Variants in TTLL5 observed in about 807,000 individuals in gnomAD.
TTLL5 encodes the protein tubulin polyglutamylase TTLL5.
In TTLL5, 132 loss-of-function variants were observed where a neutral mutation model predicts 168.4. That is an observed-to-expected ratio of 0.78 (90% confidence interval 0.68 to 0.91). TTLL5 has a LOEUF of 0.91. TTLL5 is among the 40% of genes least tolerant of loss of function. The probability of loss-of-function intolerance (pLI) is 0.00; values close to 1 mark genes in which losing one functional copy is unlikely to be tolerated. For missense variants in TTLL5, 1,545 were observed against 1,581.5 expected (o/e 0.98, Z 0.39); for synonymous variants, 546 against 558.6 (o/e 0.98, Z 0.32).
chr14:75,666,186 A>G (rs1433347907), intron 2 of TTLL5, among the ~76,000 whole-genome samples: 4 of 152,366 alleles, frequency 2.6e-5, no homozygotes, highest in East Asian at 3.9e-4. Context: ...AAGTTGATTT[A>G]GAAGTTTGAA....
At chr14:75,926,209 T>G (rs2034064762) in intron 31 of TTLL5, among the ~76,000 whole-genome samples, 1 of 139,830 alleles carries the variant, frequency 7.2e-6, no homozygotes, top group South Asian at 2.5e-4. Flanking sequence ...TGGTAGATCT[T>G]CGTCCATCCC....
Position 75,912,027 on chromosome 14 carries a change from T to C in TTLL5, c.3823+9803T>C, listed in dbSNP as rs534977505. On this transcript the variant is annotated intron_variant, in intron 31 of 31. Transcript: ENST00000298832. ...AAAACCTGCAGCGTTGCTGAGAGAATCAGCAGCTTTACTGGCTGAACAGCA... is the reference window on the plus strand; with the variant it reads ...AAAACCTGCAGCGTTGCTGAGAGAACCAGCAGCTTTACTGGCTGAACAGCA... Among the ~76,000 whole-genome samples the C allele has an allele frequency of 2.0e-5, 3 of 151,358 alleles. No individual in the cohort carries two copies. In the East Asian group the frequency reaches 5.9e-4, roughly 30 times the overall value.
intron 14 of TTLL5, among the ~76,000 whole-genome samples, chr14:75,734,917 T>G (rs985661746): frequency 6.6e-6 from 1 of 152,228 alleles, no homozygotes; most frequent in African/African-American, 2.4e-5. Flanking sequence ...TCTTAAGTTC[T>G]TCAAAAATCT....
At chr14:75,926,182 T>TTG (rs1161103399) in intron 31 of TTLL5, among the ~76,000 whole-genome samples, 2 of 134,528 alleles carry the variant, frequency 1.5e-5, no homozygotes, top group East Asian at 4.2e-4. Context: ...TTTTTTTTTT[T>TTG]TTGCTTTCCA....
At chr14:75,899,244 A>G (rs917259601) in intron 30 of TTLL5, among the ~76,000 whole-genome samples, 6 of 152,220 alleles carry the variant, frequency 3.9e-5, no homozygotes, top group African/African-American at 1.4e-4. Context: ...AAGACAACCA[A>G]GGGAACACAT....
At chr14:75,844,924 A>G (rs950978117) in intron 28 of TTLL5, among the ~76,000 whole-genome samples, 18 of 152,226 alleles carry the variant, frequency 1.2e-4, no homozygotes, top group African/African-American at 4.3e-4. Flanking sequence ...GCATCTTACC[A>G]GCTTTCATTA....
At chr14:75,779,474 T>C (rs1177016958) in intron 23 of TTLL5, 101 bp from the exon 24 acceptor site, 1 of 1,523,906 alleles carries the variant, frequency 6.6e-7, no homozygotes, top group Non-Finnish European at 8.9e-7. Context: ...GTGCTTTTCA[T>C]TTTTCCCTTT....
chr14:75,882,958 A>C lies in TTLL5; in HGVS notation c.3740+56A>C, dbSNP rs2031896013. 4.5e-6 allele frequency: 7 copies of C among 1,555,800 alleles called. No individual in the cohort carries two copies. In the South Asian group the frequency reaches 8.0e-5, roughly 18 times the overall value. On this transcript the variant is annotated intron_variant, in intron 30 of 31. Coordinates refer to ENST00000298832, the MANE Select transcript of TTLL5 (RefSeq NM_015072.5). ...GTTTTATCAGTTCTAAGCTAATAGT[A>C]CTCTTTATTTATTACTCTTCAAGAC...
intron 30 of TTLL5, among the ~76,000 whole-genome samples, chr14:75,888,211 A>G (rs546258607): frequency 1.3e-5 from 2 of 152,302 alleles, no homozygotes; most frequent in East Asian, 1.9e-4. Context: ...GACGTCAGTC[A>G]GAGGGATGGG....
chr14:75,714,049 T>C (rs897407595), intron 9 of TTLL5, among the ~76,000 whole-genome samples: 1 of 152,146 alleles, frequency 6.6e-6, no homozygotes, highest in Non-Finnish European at 1.5e-5. Context: ...CTGAAACAGT[T>C]CCTTAGTCTT....
intron 29 of TTLL5, among the ~76,000 whole-genome samples, chr14:75,876,830 T>G (rs1595191888): frequency 6.6e-6 from 1 of 152,236 alleles, no homozygotes. Flanking sequence ...CACTCTCACC[T>G]TGGCTGCAAG....
intron 28 of TTLL5, among the ~76,000 whole-genome samples, chr14:75,834,798 G>C (rs1895785114): frequency 6.6e-6 from 1 of 152,150 alleles, no homozygotes; most frequent in East Asian, 1.9e-4. Flanking sequence ...GGGCACAGTG[G>C]CTCACACCTG....
At chr14:75,818,492 CTTT>C (rs745540720) in intron 27 of TTLL5, 152 of 341,582 alleles carry the variant, frequency 4.4e-4, no homozygotes, top group East Asian at 7.0e-4. Flanking sequence ...CTTTTCTTTT[CTTT>C]TTTTTTTTTT....
At position 75,906,444 on chromosome 14, in the gene TTLL5, G is replaced by A. The variant is rs955085408; in HGVS notation, c.3823+4220G>A. 1.0e-4 allele frequency: 85 copies of A among 823,436 alleles called. No individual in the cohort carries two copies. In the African/African-American group the frequency reaches 1.2e-3, roughly 12 times the overall value. The allele number at this position is 823,436 out of a possible 1,614,324, so 51.0% of individuals were successfully genotyped here. Reference sequence around the variant, plus strand: ...GGAATTTGACAGGAAGTGGGGTGGCGTTATCTGGGGGAACGGTGATCCCCT... The same window carrying A: ...GGAATTTGACAGGAAGTGGGGTGGCATTATCTGGGGGAACGGTGATCCCCT... On this transcript the variant is annotated intron_variant, in intron 31 of 31. Transcript: ENST00000298832.
chr14:75,763,531 T>G (rs1031407324), intron 18 of TTLL5, among the ~76,000 whole-genome samples: 3 of 152,114 alleles, frequency 2.0e-5, no homozygotes, highest in Non-Finnish European at 4.4e-5. Context: ...CCAGAGGAGT[T>G]AGGATGATTT....
chr14:75,778,796 T>C (rs547628934), intron 23 of TTLL5, among the ~76,000 whole-genome samples: 70 of 152,268 alleles, frequency 4.6e-4, no homozygotes, highest in Non-Finnish European at 9.3e-4. Context: ...CTCTCATCTG[T>C]TTCCTTATAC....
At chr14:75,860,684 G>A (rs934448486) in intron 28 of TTLL5, among the ~76,000 whole-genome samples, 2 of 151,932 alleles carry the variant, frequency 1.3e-5, no homozygotes, top group Non-Finnish European at 2.9e-5. Context: ...GTATTCATTT[G>A]TTCACTGGAT....
At chr14:75,820,191 G>A (rs1894744803) in intron 28 of TTLL5, 30 bp downstream of exon 28, 2 of 1,541,586 alleles carry the variant, frequency 1.3e-6, no homozygotes, top group African/African-American at 2.8e-5. Flanking sequence ...ACTAGCATTT[G>A]GGTTACTCAG....
intron 26 of TTLL5, among the ~76,000 whole-genome samples, chr14:75,790,226 TAATAA>T (rs1256010023): frequency 6.6e-6 from 1 of 151,896 alleles, no homozygotes; most frequent in Non-Finnish European, 1.5e-5. Flanking sequence ...TGAAATAAAA[TAATAA>T]AATAAAGGAG....
Sources: allele counts gnomAD v4.1 joint callset (sites outside exome capture counted in the v4.1 genomes callset), GRCh38; gene constraint gnomAD v4.1.1; transcripts MANE v1.5; gene names NCBI Gene and HGNC (gene_info 2026-07-23, HGNC 2026-07-21).